CDC42EP3: variants seen among roughly 807,000 people sequenced by gnomAD.
CDC42EP3 encodes CDC42 effector protein (Rho GTPase binding) 3.
Under a neutral mutation model 15.5 loss-of-function variants are expected in CDC42EP3, and 4 were observed. That is an observed-to-expected ratio of 0.26 (90% CI 0.13 to 0.59). The LOEUF is 0.59. Ranked by LOEUF, CDC42EP3 falls within the 20% of genes least tolerant of loss-of-function variation. The pLI, the probability that CDC42EP3 is intolerant of heterozygous loss-of-function variation, is 0.89. For synonymous variants in CDC42EP3, 145 were observed against 130.3 expected (o/e 1.11, Z -0.77); for missense variants, 309 against 311.2 (o/e 0.99, Z 0.05).
chr2:37,656,512 T>C (rs952026450), intron 1 of CDC42EP3, among the ~76,000 whole-genome samples: 37 of 152,206 alleles, frequency 2.4e-4, no homozygotes, highest in African/African-American at 8.0e-4. Flanking sequence ...AATGCTTTGT[T>C]CTCTAAATAA....
intron 1 of CDC42EP3, among the ~76,000 whole-genome samples, chr2:37,648,031 G>A (rs1156324880): frequency 6.6e-6 from 1 of 152,188 alleles, no homozygotes; most frequent in Non-Finnish European, 1.5e-5. Flanking sequence ...AAGCCCTCAA[G>A]TTTGTGGTCG....
intron 1 of CDC42EP3, among the ~76,000 whole-genome samples, chr2:37,655,551 T>C (rs534500402): frequency 2.6e-5 from 4 of 152,042 alleles, no homozygotes; most frequent in Non-Finnish European, 5.9e-5. Flanking sequence ...CATAGAACTC[T>C]GGCAGTTACA....
chr2:37,665,768 T>G (rs560858348), intron 1 of CDC42EP3, among the ~76,000 whole-genome samples: 4 of 151,424 alleles, frequency 2.6e-5, no homozygotes, highest in African/African-American at 9.7e-5. Context: ...CAGGCTGCTC[T>G]GCCAGAGATC....
Position 37,646,537 on chromosome 2 carries a change from T to C in CDC42EP3, c.51A>G (p.Gly17=), listed in dbSNP as rs777861233. ...IYLKAANNKK[G]KKFKLRDILS... ...GAATGTCCCTCAGTTTAAATTTCTT[T>C]CCTTTCTTGTTATTGGCTGCTTTCA... The change falls in exon 2 of 2, where the codon GGA becomes GGG. Residue 17 remains glycine (G), a synonymous_variant. Transcript: ENST00000295324. 6.4e-7 allele frequency: 1 copy of C among 1,568,348 alleles called. No individual in the cohort carries two copies. The highest frequency in any genetic ancestry group is 8.6e-7 in the Non-Finnish European group (1 of 1,160,272).
chr2:37,656,383 C>G (rs1665845132), intron 1 of CDC42EP3, among the ~76,000 whole-genome samples: 1 of 152,240 alleles, frequency 6.6e-6, no homozygotes, highest in African/African-American at 2.4e-5. Context: ...TTCAAATTCA[C>G]AAGTGTTAAA....
At position 37,645,732 on chromosome 2, in the gene CDC42EP3, A is replaced by T. The variant is rs1665428536; in HGVS notation, c.*91T>A. The T allele has an allele frequency of 5.0e-6, 5 of 1,009,466 alleles. No homozygotes were observed. In the South Asian group the frequency reaches 1.1e-4, roughly 22 times the overall value. 62.5% of individuals were successfully genotyped at this position (1,009,466 alleles called of 1,614,324 possible). A position where few individuals can be genotyped will look rare whatever the true frequency, so the allele number is the denominator to read the frequency against. ...ATTATTTTAGAAAACCCAACACAAA[A>T]CTGCAAATACAGCTCCGGAAGCCCT... On this transcript the variant is annotated 3_prime_UTR_variant, in exon 2 of 2. Coordinates refer to ENST00000295324, the MANE Select transcript of CDC42EP3 (RefSeq NM_006449.5).
chr2:37,645,813 T>C lies in CDC42EP3; in HGVS notation c.*10A>G. ...ACCTTTTACCCCAAAGGAAAAAAGT[T>C]GGCATCTTGTTACTTATTTTTATCC... On this transcript the variant is annotated 3_prime_UTR_variant, in exon 2 of 2. Coordinates refer to ENST00000295324, the MANE Select transcript of CDC42EP3 (RefSeq NM_006449.5). 2 of 1,512,824 alleles carry C rather than the reference T, an allele frequency of 1.3e-6. No individual in the cohort carries two copies. Among genetic ancestry groups the C allele is most frequent in the Non-Finnish European group, 1.8e-6 (2 of 1,132,508 alleles). The allele number at this position is 1,512,824 out of a possible 1,614,324, so 93.7% of individuals were successfully genotyped here.
rs1287496705 is a variant in CDC42EP3, at chr2:37,642,761, T to A, written c.*3062A>T. 2.0e-5 allele frequency: 3 copies of A among 152,168 alleles called. No homozygotes were observed. Among genetic ancestry groups the A allele is most frequent in the Non-Finnish European group, 4.4e-5 (3 of 68,022 alleles). 9.4% of individuals were successfully genotyped at this position (152,168 alleles called of 1,614,324 possible). A position where few individuals can be genotyped will look rare whatever the true frequency, so the allele number is the denominator to read the frequency against. On this transcript the variant is annotated 3_prime_UTR_variant, in exon 2 of 2. Transcript: ENST00000295324. The stretch of plus-strand genomic sequence containing the variant: ...TCCAGGACTTCATTTGCGGGGAGCC[T>A]TCAGAAAAAACAGGTCACTTGCAGT...
At position 37,644,421 on chromosome 2, in the gene CDC42EP3, T is replaced by C. The variant is rs554525895; in HGVS notation, c.*1402A>G. The stretch of plus-strand genomic sequence containing the variant: ...TTCCTTAACCACCATCCTCAGGGCA[T>C]CTCTGGCACCTTGGGGTCGGGTAAG... On this transcript the variant is annotated 3_prime_UTR_variant, in exon 2 of 2. Transcript: ENST00000295324. The C allele has an allele frequency of 6.6e-6, 1 of 152,294 alleles. No homozygotes were observed. Among genetic ancestry groups the C allele is most frequent in the African/African-American group, 2.4e-5 (1 of 41,552 alleles). 9.4% of individuals were successfully genotyped at this position (152,294 alleles called of 1,614,324 possible). A position where few individuals can be genotyped will look rare whatever the true frequency, so the allele number is the denominator to read the frequency against.
chr2:37,645,874 A>C lies in CDC42EP3; in HGVS notation c.714T>G (p.Leu238=). 1 of 1,583,642 alleles carries C rather than the reference A, an allele frequency of 6.3e-7. No individual in the cohort carries two copies. The highest frequency in any genetic ancestry group is 1.4e-5 in the African/African-American group (1 of 73,580). The change falls in exon 2 of 2, where the codon CTT becomes CTG. Residue 238 remains leucine (L), a synonymous_variant. Transcript: ENST00000295324. ...GCACCTCATCCAAAAGTGAGGGCCC[A>C]AGATCAAGCTGCAGGGAGAGGAGGG... ...TGSLLSLQLD[L]GPSLLDEVLN...
chr2:37,661,451 C>A (rs1007553320), intron 1 of CDC42EP3, among the ~76,000 whole-genome samples: 1 of 152,150 alleles, frequency 6.6e-6, no homozygotes, highest in Non-Finnish European at 1.5e-5. Context: ...TAAAGATAAA[C>A]AGGAGACGTA....
rs768777788 is a variant in CDC42EP3 at position 37,646,561 on chromosome 2, C to A, written c.27G>T (p.Leu9=). The A allele has an allele frequency of 6.4e-7, 1 of 1,553,548 alleles. No individual in the cohort carries two copies. Among genetic ancestry groups the A allele is most frequent in the Non-Finnish European group, 8.7e-7 (1 of 1,153,320 alleles). The change falls in exon 2 of 2, where the codon CTG becomes CTT. Residue 9 remains leucine (L), a synonymous_variant. Transcript: ENST00000295324. ...TTCCTTTCTTGTTATTGGCTGCTTT[C>A]AGGTAAATTGGGGTCTTGGCTGGCA... is the stretch of plus-strand genomic sequence containing the variant. MPAKTPIY[L]KAANNKKGKK... is the part of the protein sequence containing the mutation.
chr2:37,646,431 A>C lies in CDC42EP3; in HGVS notation c.157T>G (p.Phe53Val). The change falls in exon 2 of 2, where the codon TTT (phenylalanine) becomes GTT (valine). Residue 53 changes from phenylalanine (F) to valine (V), a missense_variant. By Grantham distance (50) the Phe-to-Val change is conservative. Transcript: ENST00000295324. ...HIGKEGQHDV[F>V]GDISFLQGNY... ...CCTTGAAGAAAGGAAATATCTCCAA[A>C]GACATCGTGCTGGCCCTCTTTGCCA... 1 of 1,614,180 alleles carries C rather than the reference A, an allele frequency of 6.2e-7. No homozygotes were observed. Among genetic ancestry groups the C allele is most frequent in the Non-Finnish European group, 8.5e-7 (1 of 1,180,022 alleles).
chr2:37,655,705 C>T lies in CDC42EP3; in HGVS notation c.-235-8883G>A, dbSNP rs560705773. On this transcript the variant is annotated intron_variant, in intron 1 of 1. Coordinates refer to ENST00000295324, the MANE Select transcript of CDC42EP3 (RefSeq NM_006449.5). ...TCTCTGATAAGGCCATTGCTGTGAACTGCTCACGTGTTTCCATAACTAATG... is the reference window on the plus strand; with the variant it reads ...TCTCTGATAAGGCCATTGCTGTGAATTGCTCACGTGTTTCCATAACTAATG... Among the ~76,000 whole-genome samples, 7 of 152,332 alleles carry T rather than the reference C, an allele frequency of 4.6e-5. 1 individual carries two copies. The South Asian group carries it at 1.5e-3, about 32-fold the overall frequency.
At chr2:37,657,318 A>G (rs6544095) in intron 1 of CDC42EP3, among the ~76,000 whole-genome samples, 56,179 of 151,894 alleles carry the variant, frequency 0.37, 11,797 homozygotes, top group East Asian at 0.59. Flanking sequence ...ACGTAATCCA[A>G]CCTTGCTACT....
intron 1 of CDC42EP3, among the ~76,000 whole-genome samples, chr2:37,666,070 G>C (rs1666238298): frequency 6.6e-6 from 1 of 152,114 alleles, no homozygotes; most frequent in Non-Finnish European, 1.5e-5. Context: ...ATCAGCGTTT[G>C]CCAGGATCTC....
chr2:37,645,222 CTG>C lies in CDC42EP3; in HGVS notation c.*599_*600del, dbSNP rs983523873. 13 of 152,454 alleles carry C rather than the reference CTG, an allele frequency of 8.5e-5. No homozygotes were observed. The East Asian group carries it at 1.3e-3, about 16-fold the overall frequency. 9.4% of individuals were successfully genotyped at this position (152,454 alleles called of 1,614,324 possible). A position where few individuals can be genotyped will look rare whatever the true frequency, so the allele number is the denominator to read the frequency against. On this transcript the variant is annotated 3_prime_UTR_variant, in exon 2 of 2. Transcript: ENST00000295324. Reference sequence around the variant, plus strand: ...TAACTTAGTTACAGTAATACTTTGCCTGTGTCTTACCAACATGTAGCTGACAG... The same window carrying C: ...TAACTTAGTTACAGTAATACTTTGCCTGTCTTACCAACATGTAGCTGACAG...
intron 1 of CDC42EP3, among the ~76,000 whole-genome samples, chr2:37,658,277 T>G (rs977071509): frequency 1.3e-5 from 2 of 152,184 alleles, no homozygotes; most frequent in African/African-American, 4.8e-5. Context: ...TTTTTGACAT[T>G]GCCTTAACAT....
intron 1 of CDC42EP3, among the ~76,000 whole-genome samples, chr2:37,664,548 C>G (rs1016627099): frequency 6.6e-6 from 1 of 152,032 alleles, no homozygotes; most frequent in African/African-American, 2.4e-5. Context: ...TCTAGAGAAC[C>G]CTGACTAATA....
Sources: gnomAD v4.1 joint callset for allele counts (sites outside exome capture counted in the v4.1 genomes callset) on GRCh38, gnomAD v4.1.1 for gene constraint, MANE v1.5 for transcripts, NCBI Gene and HGNC (gene_info 2026-07-23, HGNC 2026-07-21) for gene names.